Variants in KIAA1217 observed in about 807,000 individuals in gnomAD.
KIAA1217 encodes sickle tail protein homolog.
A neutral mutation model predicts 163.9 loss-of-function variants in KIAA1217; 88 were observed. That is an observed-to-expected ratio of 0.54 (90% CI 0.45 to 0.64). The LOEUF is 0.64. KIAA1217 is among the 30% of genes least tolerant of loss of function. The probability of loss-of-function intolerance (pLI) is 0.00; values close to 1 mark genes in which losing one functional copy is unlikely to be tolerated. For synonymous variants in KIAA1217, 903 were observed against 923.1 expected, an observed-to-expected ratio of 0.98 and a Z score of 0.39; for missense variants, 2,372 against 2,475.0, an observed-to-expected ratio of 0.96 and a Z score of 0.88.
At chr10:24,259,398 C>T (rs940860346) in intron 2 of KIAA1217, among the ~76,000 whole-genome samples, 10 of 151,950 alleles carry the variant, frequency 6.6e-5, no homozygotes, top group South Asian at 2.1e-4. Flanking sequence ...GGATTGCTTG[C>T]GGCCAGGAGT....
intron 2 of KIAA1217, among the ~76,000 whole-genome samples, chr10:24,342,152 G>A (rs1296069088): frequency 6.6e-6 from 1 of 152,180 alleles, no homozygotes; most frequent in African/African-American, 2.4e-5. Context: ...ACAAGGCCAT[G>A]GTCACAGAGA....
At chr10:24,451,859 A>C (rs2061399671) in intron 5 of KIAA1217, among the ~76,000 whole-genome samples, 1 of 152,118 alleles carries the variant, frequency 6.6e-6, no homozygotes, top group Non-Finnish European at 1.5e-5. Flanking sequence ...TTGTACCTGC[A>C]TGTTGTTCAC....
At chr10:23,768,630 T>A (rs903440729) in intron 1 of KIAA1217, among the ~76,000 whole-genome samples, 2 of 152,132 alleles carry the variant, frequency 1.3e-5, no homozygotes, top group African/African-American at 4.8e-5. Flanking sequence ...TTTAAAGACA[T>A]AGGGGAGAAA....
At chr10:24,417,302 G>T (rs60950725) in intron 3 of KIAA1217, among the ~76,000 whole-genome samples, 1 of 152,134 alleles carries the variant, frequency 6.6e-6, no homozygotes, top group Non-Finnish European at 1.5e-5. Context: ...CTGGCTGGCC[G>T]TATTTCCAAC....
At chr10:23,726,641 TG>T (rs1838153926) in intron 1 of KIAA1217, among the ~76,000 whole-genome samples, 2 of 152,090 alleles carry the variant, frequency 1.3e-5, no homozygotes, top group Admixed American at 6.5e-5. Flanking sequence ...AGAAAATTTT[TG>T]CAATCTACTC....
At chr10:24,175,720 G>T (rs987778297) in intron 2 of KIAA1217, among the ~76,000 whole-genome samples, 1 of 152,096 alleles carries the variant, frequency 6.6e-6, no homozygotes, top group Non-Finnish European at 1.5e-5. Flanking sequence ...TCTTCCTTCT[G>T]GTGGGTTCAT....
intron 1 of KIAA1217, among the ~76,000 whole-genome samples, chr10:23,935,523 C>T (rs1367685494): frequency 6.6e-6 from 1 of 152,180 alleles, no homozygotes; most frequent in East Asian, 1.9e-4. Flanking sequence ...ATGATTGTAT[C>T]TCTCAGACCA....
chr10:23,869,124 GTTTTTTTTTTTTT>G (rs58288361), intron 1 of KIAA1217, among the ~76,000 whole-genome samples: 7 of 31,724 alleles, frequency 2.2e-4, no homozygotes, highest in South Asian at 9.8e-4. Context: ...ATGAAATGTA[GTTTTTTTTTTTTT>G]TTTTTTTTTT....
intron 2 of KIAA1217, among the ~76,000 whole-genome samples, chr10:24,258,253 T>C (rs907994593): frequency 2.2e-4 from 33 of 152,110 alleles, no homozygotes; most frequent in African/African-American, 8.0e-4. Context: ...GGGAAAGTGA[T>C]TGTAGACAAG....
chr10:23,995,282 G>A (rs904838154), intron 1 of KIAA1217, among the ~76,000 whole-genome samples: 3 of 152,034 alleles, frequency 2.0e-5, no homozygotes, highest in African/African-American at 7.2e-5. Flanking sequence ...TTAGCTTTTA[G>A]GCAAAAAGCT....
At chr10:23,747,376 G>A (rs1839468982) in intron 1 of KIAA1217, among the ~76,000 whole-genome samples, 1 of 152,138 alleles carries the variant, frequency 6.6e-6, no homozygotes, top group South Asian at 2.1e-4. Flanking sequence ...CTGGGGCACT[G>A]GGGTCTCTCA....
At chr10:24,151,079 C>A (rs2064589154) in intron 2 of KIAA1217, among the ~76,000 whole-genome samples, 2 of 151,994 alleles carry the variant, frequency 1.3e-5, no homozygotes, top group African/African-American at 4.8e-5. Flanking sequence ...GCCAGGTGTG[C>A]TAGGAGCTGA....
chr10:24,424,595 GT>G (rs2059031012), intron 3 of KIAA1217, among the ~76,000 whole-genome samples: 1 of 152,066 alleles, frequency 6.6e-6, no homozygotes, highest in African/African-American at 2.4e-5. Flanking sequence ...TTTCTGTTCT[GT>G]TTTTTGTTTT....
At chr10:24,132,673 G>A (rs147146934) in intron 2 of KIAA1217, among the ~76,000 whole-genome samples, 9 of 152,296 alleles carry the variant, frequency 5.9e-5, no homozygotes, top group African/African-American at 1.9e-4. Context: ...CCAATTTCCA[G>A]CGGAATATCA....
At chr10:24,390,487 A>AG (rs2054746718) in intron 3 of KIAA1217, among the ~76,000 whole-genome samples, 1 of 130,716 alleles carries the variant, frequency 7.7e-6, no homozygotes, top group African/African-American at 3.1e-5. Flanking sequence ...GAAGGAAGGA[A>AG]GGAAGGAAGG....
intron 3 of KIAA1217, among the ~76,000 whole-genome samples, chr10:24,395,666 A>G (rs967752184): frequency 2.0e-5 from 3 of 152,148 alleles, no homozygotes; most frequent in Admixed American, 6.5e-5. Context: ...AAAAGGAACC[A>G]CATAATGTAG....
chr10:24,042,899 G>A (rs994828631), intron 2 of KIAA1217, among the ~76,000 whole-genome samples: 7 of 152,202 alleles, frequency 4.6e-5, no homozygotes, highest in African/African-American at 1.7e-4. Context: ...CAATGGAAGT[G>A]TTGCATGCTT....
At position 23,731,067 on chromosome 10, in the gene KIAA1217, C is replaced by A. The variant is rs191184212; in HGVS notation, c.-321+35833C>A. Among the ~76,000 whole-genome samples the A allele has an allele frequency of 5.3e-5, 8 of 152,206 alleles. No individual in the cohort carries two copies. The East Asian group carries it at 1.5e-3, about 29-fold the overall frequency. Reference sequence around the variant, plus strand: ...ATAAGAGGGAACATGTCTTTTATTTCACTTTATTTTATGCTTTAATTTGGG... The same window carrying A: ...ATAAGAGGGAACATGTCTTTTATTTAACTTTATTTTATGCTTTAATTTGGG... On this transcript the variant is annotated intron_variant, in intron 1 of 18. Coordinates refer to the KIAA1217 transcript ENST00000376462.
intron 1 of KIAA1217, among the ~76,000 whole-genome samples, chr10:23,887,949 T>A (rs1178987201): frequency 6.6e-6 from 1 of 152,004 alleles, no homozygotes; most frequent in East Asian, 1.9e-4. Flanking sequence ...TAGTTATCTT[T>A]GTGATTTTGT....
Sources: allele counts gnomAD v4.1 joint callset (sites outside exome capture counted in the v4.1 genomes callset), GRCh38; gene constraint gnomAD v4.1.1; transcripts MANE v1.5; gene names NCBI Gene and HGNC (gene_info 2026-07-23, HGNC 2026-07-21).